The following U2SURP variants were observed in gnomAD, a reference collection of about 807,000 sequenced individuals.
U2SURP encodes U2 snRNP associated SURP domain containing, also known as U2 snRNP-associated SURP motif-containing protein.
U2SURP carries 9 observed loss-of-function variants against 144.9 expected under a neutral mutation model. That is an observed-to-expected ratio of 0.06 (90% CI 0.04 to 0.11). U2SURP has a LOEUF of 0.11. U2SURP is among the 10% of genes least tolerant of loss of function. The pLI is 1.00. For synonymous variants in U2SURP, 408 were observed against 396.8 expected, an observed-to-expected ratio of 1.03 and a Z score of -0.33; for missense variants, 724 against 1,226.7, an observed-to-expected ratio of 0.59 and a Z score of 6.12.
intron 1 of U2SURP, among the ~76,000 whole-genome samples, chr3:143,002,017 C>G (rs1935559343): frequency 6.6e-6 from 1 of 152,228 alleles, no homozygotes; most frequent in African/African-American, 2.4e-5. Flanking sequence ...CGCCAGACAG[C>G]GCCTGGGAGA....
Position 143,037,313 on chromosome 3 carries a change from T to C in U2SURP, c.2199T>C (p.Asp733=). 1 of 1,612,226 alleles carries C rather than the reference T, an allele frequency of 6.2e-7. No homozygotes were observed. The highest frequency in any genetic ancestry group is 8.5e-7 in the Non-Finnish European group (1 of 1,179,042). Residue 733 remains aspartate, a synonymous_variant, in exon 21 of 28, where the codon GAT becomes GAC. Coordinates refer to ENST00000473835, the MANE Select transcript of U2SURP (RefSeq NM_001080415.2). ...ATGGAGTCCCTATAAAAAGTCTTGA[T>C]GATGATCTTGATGGAGTGCCTTGTA... is the stretch of plus-strand genomic sequence containing the variant. The part of the protein sequence containing the change: ...DLDGVPIKSL[D]DDLDGVPLDA...
At chr3:143,056,244 T>C (rs1935145352) in intron 27 of U2SURP, 68 bp from the exon 28 acceptor site, 1 of 1,500,726 alleles carries the variant, frequency 6.7e-7, no homozygotes, top group Admixed American at 2.3e-5. Flanking sequence ...TTTTCGATCG[T>C]TTAAGGATAA....
intron 3 of U2SURP, 86 bp from the exon 4 acceptor site, chr3:143,014,225 T>C: frequency 1.2e-6 from 1 of 841,368 alleles, no homozygotes; most frequent in Admixed American, 3.4e-5. Flanking sequence ...CAGTCTATTC[T>C]GAAGACTTAG....
At chr3:143,005,861 C>T (rs1293260835) in intron 1 of U2SURP, among the ~76,000 whole-genome samples, 2 of 151,650 alleles carry the variant, frequency 1.3e-5, no homozygotes, top group South Asian at 4.2e-4. Flanking sequence ...AAGGAGCCAT[C>T]ATTTTTGGAA....
chr3:143,052,492 A>T (rs1051391660), intron 25 of U2SURP, among the ~76,000 whole-genome samples: 1 of 152,228 alleles, frequency 6.6e-6, no homozygotes. Context: ...AAAATACATA[A>T]TATTTGTGTT....
At position 143,022,399 on chromosome 3, in the gene U2SURP, A is replaced by G. The variant is rs1179325486; in HGVS notation, c.853-98A>G. On this transcript the variant is annotated intron_variant, in intron 10 of 27. Transcript: ENST00000473835. ...AAATGGAAAATTGAAGCACGTTGCT[A>G]TGTTGCTTTTTATTTTGTAAAAACT... is the stretch of plus-strand genomic sequence containing the variant. 6.8e-6 allele frequency: 8 copies of G among 1,178,468 alleles called. 1 individual carries two copies. In the East Asian group the frequency reaches 7.5e-5, roughly 11 times the overall value. 73.0% of individuals were successfully genotyped at this position (1,178,468 alleles called of 1,614,324 possible).
At chr3:143,030,973 C>T (rs1933449453) in intron 16 of U2SURP, among the ~76,000 whole-genome samples, 1 of 152,032 alleles carries the variant, frequency 6.6e-6, no homozygotes, top group African/African-American at 2.4e-5. Context: ...GAAGTTAGTC[C>T]CTCATAGATG....
chr3:143,011,994 AC>A, intron 2 of U2SURP: 1 of 646,990 alleles, frequency 1.5e-6, no homozygotes, highest in Non-Finnish European at 2.8e-6. Flanking sequence ...TTCAAGGAAA[AC>A]AACTGTTACC....
In U2SURP at chr3:143,050,955, T is replaced by G. The variant is rs749131603; in HGVS notation, c.2561T>G (p.Phe854Cys). 1 of 1,611,272 alleles carries G rather than the reference T, an allele frequency of 6.2e-7. No individual in the cohort carries two copies. Among genetic ancestry groups the G allele is most frequent in the Admixed American group, 1.7e-5 (1 of 59,830 alleles). ...ATTTCACAGCTCAAAGTTATGAAGT[T>G]TCAGGATGAATTGGAATCTGGGAAA... ...LREIELKVMK[F>C]QDELESGKRP... is the part of the protein sequence containing the mutation. The change falls in exon 25 of 28, where the codon TTT (phenylalanine) becomes TGT (cysteine). Residue 854 changes from phenylalanine (F) to cysteine (C), a missense_variant. This residue lies in a region of U2SURP where 18 missense variants were observed against 48.8 expected (regional missense o/e 0.37). Coordinates refer to ENST00000473835, the MANE Select transcript of U2SURP (RefSeq NM_001080415.2).
intron 21 of U2SURP, among the ~76,000 whole-genome samples, chr3:143,037,880 T>C (rs1933896328): frequency 6.6e-6 from 1 of 152,170 alleles, no homozygotes; most frequent in African/African-American, 2.4e-5. Context: ...TTCACTTGCT[T>C]AATATATTAC....
chr3:143,043,993 TC>T (rs1288323605), intron 24 of U2SURP, among the ~76,000 whole-genome samples: 2 of 152,038 alleles, frequency 1.3e-5, no homozygotes, highest in Non-Finnish European at 2.9e-5. Context: ...GACCTCGTGA[TC>T]CGCCCACCTC....
At chr3:143,035,591 A>G (rs960596531) in intron 19 of U2SURP, among the ~76,000 whole-genome samples, 5 of 152,186 alleles carry the variant, frequency 3.3e-5, no homozygotes, top group African/African-American at 1.2e-4. Context: ...ATTAGCCAGA[A>G]TTAGGAAGTA....
chr3:143,020,534 G>C (rs149411539), intron 7 of U2SURP, 65 bp from the exon 8 acceptor site: 1 of 1,018,614 alleles, frequency 9.8e-7, no homozygotes, highest in Non-Finnish European at 1.5e-6. Context: ...TTTGATAAGC[G>C]CTATTCTGAA....
At position 143,056,240 on chromosome 3, in the gene U2SURP, A is replaced by G; in HGVS notation, c.2952-72A>G. 11 of 1,471,748 alleles carry G rather than the reference A, an allele frequency of 7.5e-6. No individual in the cohort carries two copies. In the South Asian group the frequency reaches 1.5e-4, roughly 20 times the overall value. The allele number at this position is 1,471,748 out of a possible 1,614,324, so 91.2% of individuals were successfully genotyped here. The stretch of plus-strand genomic sequence containing the variant: ...TGTGCCCTGTTAAAGATCATTTTCG[A>G]TCGTTTAAGGATAAACAGTTTTGAT... On this transcript the variant is annotated intron_variant, in intron 27 of 27. Coordinates refer to ENST00000473835, the MANE Select transcript of U2SURP (RefSeq NM_001080415.2).
chr3:143,017,423 T>A (rs1447162799), intron 6 of U2SURP: 1 of 152,292 alleles, frequency 6.6e-6, no homozygotes, highest in Non-Finnish European at 1.5e-5. Flanking sequence ...TAGAAAAAAT[T>A]TTTTTTTCTT....
chr3:143,001,774 C>A, intron 1 of U2SURP, 101 bp downstream of exon 1: 2 of 1,495,192 alleles, frequency 1.3e-6, no homozygotes, highest in Non-Finnish European at 1.8e-6. Flanking sequence ...TTGGGGTCTG[C>A]ATTCTAGTCG....
At chr3:143,030,275 G>A (rs1933404055) in intron 16 of U2SURP, among the ~76,000 whole-genome samples, 1 of 152,292 alleles carries the variant, frequency 6.6e-6, no homozygotes, top group Non-Finnish European at 1.5e-5. Context: ...TCTCTTATTA[G>A]GGGCTAATGC....
chr3:143,025,595 A>G (rs1489800343), intron 13 of U2SURP, among the ~76,000 whole-genome samples: 1 of 152,184 alleles, frequency 6.6e-6, no homozygotes, highest in Non-Finnish European at 1.5e-5. Context: ...AAATAATGTC[A>G]TTAACCATAT....
intron 2 of U2SURP, 104 bp from the exon 3 acceptor site, chr3:143,012,118 C>A: frequency 7.3e-7 from 1 of 1,370,330 alleles, no homozygotes; most frequent in Non-Finnish European, 1.0e-6. Context: ...TGATAATCTA[C>A]AATGAAATTT....
Sources: gnomAD v4.1 joint callset for allele counts (sites outside exome capture counted in the v4.1 genomes callset) on GRCh38, gnomAD v4.1.1 for gene constraint, gnomAD v4.1.1 regional missense constraint, MANE v1.5 for transcripts, NCBI Gene and HGNC (gene_info 2026-07-23, HGNC 2026-07-21) for gene names.